LARS2: variants seen among roughly 807,000 people sequenced by gnomAD.
LARS2 encodes leucine--tRNA ligase, mitochondrial.
Under a neutral mutation model 116.6 loss-of-function variants are expected in LARS2, and 81 were observed. The observed-to-expected ratio is 0.69, with a 90% CI of 0.58 to 0.84. The LOEUF (loss-of-function observed/expected upper bound fraction) is 0.84. Ranked by LOEUF, LARS2 falls within the 40% of genes least tolerant of loss-of-function variation. The pLI, the probability that LARS2 is intolerant of heterozygous loss-of-function variation, is 0.00. For missense variants in LARS2, 968 were observed against 1,114.5 expected, an observed-to-expected ratio of 0.87 and a Z score of 1.87; for synonymous variants, 396 against 407.2, an observed-to-expected ratio of 0.97 and a Z score of 0.33.
chr3:45,511,363 A>C (rs1384691230), intron 15 of LARS2, among the ~76,000 whole-genome samples: 1 of 152,194 alleles, frequency 6.6e-6, no homozygotes, highest in African/African-American at 2.4e-5. Context: ...AGCGGGTTAG[A>C]AACAGGCAGA....
intron 8 of LARS2, among the ~76,000 whole-genome samples, chr3:45,464,669 G>A (rs986238854): frequency 2.0e-5 from 3 of 152,110 alleles, no homozygotes; most frequent in African/African-American, 4.8e-5. Flanking sequence ...CTGTTTGTGC[G>A]TCAAAGCACT....
chr3:45,475,768 A>T (rs759580487), intron 9 of LARS2, among the ~76,000 whole-genome samples: 16 of 152,202 alleles, frequency 1.1e-4, no homozygotes, highest in Non-Finnish European at 2.2e-4. Context: ...CTGGCTCCAT[A>T]GGTGACACCT....
intron 6 of LARS2, among the ~76,000 whole-genome samples, chr3:45,436,513 G>A (rs1160550273): frequency 6.6e-6 from 1 of 152,064 alleles, no homozygotes; most frequent in African/African-American, 2.4e-5. Context: ...AGCCGTTTGT[G>A]GCCGGGCGCG....
At chr3:45,422,983 T>C (rs1698539255) in intron 6 of LARS2, among the ~76,000 whole-genome samples, 1 of 152,226 alleles carries the variant, frequency 6.6e-6, no homozygotes, top group Non-Finnish European at 1.5e-5. Flanking sequence ...AACTCGTACT[T>C]ATTTTCTAAT....
At chr3:45,466,512 A>G (rs7641021) in intron 8 of LARS2, among the ~76,000 whole-genome samples, 1,663 of 152,314 alleles carry the variant, frequency 0.011, 27 homozygotes, top group African/African-American at 0.038. Flanking sequence ...AAATTAAAAT[A>G]AATGAATAAG....
chr3:45,438,811 G>A lies in LARS2; in HGVS notation c.517-8080G>A. ...GATCGCGCCACTGCACTCCAGCCTG[G>A]GTGACAGAGTGAGACACTGTCTCAA... On this transcript the variant is annotated intron_variant, in intron 6 of 21. Transcript: ENST00000645846. Among the ~76,000 whole-genome samples the A allele has an allele frequency of 1.3e-5, 2 of 151,982 alleles. 1 individual carries two copies. Among genetic ancestry groups the A allele is most frequent in the Non-Finnish European group, 2.9e-5 (2 of 67,988 alleles).
At chr3:45,448,301 T>C (rs1253857933) in intron 7 of LARS2, among the ~76,000 whole-genome samples, 1 of 152,216 alleles carries the variant, frequency 6.6e-6, no homozygotes, top group Non-Finnish European at 1.5e-5. Flanking sequence ...AAAACCACAC[T>C]AGGCTGCTCC....
chr3:45,530,729 T>C (rs765991577), intron 20 of LARS2, among the ~76,000 whole-genome samples: 2 of 152,238 alleles, frequency 1.3e-5, no homozygotes, highest in Non-Finnish European at 2.9e-5. Context: ...CATCTTCCAC[T>C]CTAGGATCTG....
At chr3:45,472,292 T>A (rs529720893) in intron 8 of LARS2, among the ~76,000 whole-genome samples, 11 of 152,334 alleles carry the variant, frequency 7.2e-5, no homozygotes, top group Admixed American at 6.5e-4. Context: ...GTTCTGAAAC[T>A]GTACTGAGCC....
At chr3:45,397,376 CAG>C (rs1269563634) in intron 3 of LARS2, among the ~76,000 whole-genome samples, 1 of 152,052 alleles carries the variant, frequency 6.6e-6, no homozygotes, top group African/African-American at 2.4e-5. Flanking sequence ...CTGTAATAAA[CAG>C]AAATCTTCAT....
chr3:45,484,044 A>T (rs916270397), intron 10 of LARS2: 35 of 12,968 alleles, frequency 2.7e-3, no homozygotes, highest in Middle Eastern at 0.17. Flanking sequence ...ACAAAAAATT[A>T]AAAAAAAAAA....
chr3:45,472,397 T>C (rs1699542519), intron 8 of LARS2, among the ~76,000 whole-genome samples: 1 of 152,180 alleles, frequency 6.6e-6, no homozygotes, highest in Non-Finnish European at 1.5e-5. Flanking sequence ...CCAAGAGACC[T>C]GAGTACAGTG....
intron 20 of LARS2, among the ~76,000 whole-genome samples, chr3:45,531,931 C>G (rs1195762031): frequency 1.3e-5 from 2 of 152,158 alleles, no homozygotes; most frequent in Non-Finnish European, 2.9e-5. Context: ...AGAACTTATT[C>G]CAATGGCATA....
At chr3:45,393,642 C>T (rs1315238001) in intron 2 of LARS2, among the ~76,000 whole-genome samples, 2 of 151,656 alleles carry the variant, frequency 1.3e-5, no homozygotes, top group African/African-American at 4.8e-5. Context: ...ATTCCCAGTA[C>T]TTAGAACAAC....
intron 14 of LARS2, 94 bp downstream of exon 14, chr3:45,496,467 T>G: frequency 2.1e-6 from 2 of 952,350 alleles, no homozygotes; most frequent in Non-Finnish European, 3.4e-6. Context: ...AAGAGATTTC[T>G]TGGGGGGAAA....
intron 20 of LARS2, among the ~76,000 whole-genome samples, chr3:45,536,568 GCACTGC>G (rs1575320124): frequency 6.6e-6 from 1 of 152,374 alleles, no homozygotes; most frequent in South Asian, 2.1e-4. Context: ...TGTCCTCAGG[GCACTGC>G]TCCTGGGGAG....
At chr3:45,391,182 A>G (rs1386416088) in intron 1 of LARS2, among the ~76,000 whole-genome samples, 1 of 151,926 alleles carries the variant, frequency 6.6e-6, no homozygotes, top group East Asian at 1.9e-4. Flanking sequence ...CCCTCTTAAG[A>G]TTTATTAAAT....
chr3:45,486,111 A>G (rs941368702), intron 11 of LARS2, among the ~76,000 whole-genome samples: 3 of 152,120 alleles, frequency 2.0e-5, no homozygotes, highest in African/African-American at 7.2e-5. Context: ...TGAAAATCCA[A>G]TTTCAAGACT....
intron 6 of LARS2, among the ~76,000 whole-genome samples, chr3:45,434,867 C>T (rs1698774339): frequency 6.6e-6 from 1 of 152,152 alleles, no homozygotes; most frequent in Non-Finnish European, 1.5e-5. Context: ...GTACAAGCTC[C>T]CCACTAGCCT....
Sources: allele counts gnomAD v4.1 joint callset (sites outside exome capture counted in the v4.1 genomes callset), GRCh38; gene constraint gnomAD v4.1.1; transcripts MANE v1.5; gene names NCBI Gene and HGNC (gene_info 2026-07-23, HGNC 2026-07-21).